PDE12: variants seen among roughly 807,000 people sequenced by gnomAD.
PDE12 encodes 2',5'-phosphodiesterase 12.
PDE12 carries 26 observed loss-of-function variants against 45.4 expected under a neutral mutation model. The observed-to-expected ratio is 0.57, with a 90% confidence interval of 0.42 to 0.79. The LOEUF (loss-of-function observed/expected upper bound fraction) is 0.79. Ranked by LOEUF, PDE12 falls within the 30% of genes least tolerant of loss-of-function variation. The probability of loss-of-function intolerance (pLI) is 0.00; values close to 1 mark genes in which losing one functional copy is unlikely to be tolerated. For missense variants in PDE12, 668 were observed against 790.0 expected, an observed-to-expected ratio of 0.85 and a Z score of 1.85; for synonymous variants, 283 against 323.9, an observed-to-expected ratio of 0.87 and a Z score of 1.36.
the PDE12 span, among the ~76,000 whole-genome samples, chr3:57,574,684 G>A: frequency 6.6e-6 from 1 of 152,038 alleles, no homozygotes; most frequent in African/African-American, 2.4e-5. Flanking sequence ...TGGGATTACG[G>A]GTGTGAGCCG....
At chr3:57,568,068 CAAAAAAAAAAAA>C (rs11360766), downstream of PDE12, among the ~76,000 whole-genome samples, 1 of 47,546 alleles carries the variant, frequency 2.1e-5, no homozygotes, top group African/African-American at 9.9e-5. Context: ...GACTCCATCT[CAAAAAAAAAAAA>C]AAAAAAAAAA....
rs2069742463 is a variant in PDE12 at position 57,562,984 on chromosome 3, C to A, written c.*2980C>A. 6.6e-6 allele frequency: 1 copy of A among 152,148 alleles called. No individual in the cohort carries two copies. The highest frequency in any genetic ancestry group is 1.5e-5 in the Non-Finnish European group (1 of 68,030). The allele number at this position is 152,148 out of a possible 1,614,324, so 9.4% of individuals were successfully genotyped here. A position where few individuals can be genotyped will look rare whatever the true frequency, so the allele number is the denominator to read the frequency against. On this transcript the variant is annotated 3_prime_UTR_variant, in exon 3 of 3. Coordinates refer to ENST00000311180, the MANE Select transcript of PDE12 (RefSeq NM_177966.7). ...TACAAGGGAGAGAATGTCCAAAGAA[C>A]ACTACTGTGGAAAGTTCTTACGATG...
the PDE12 span, chr3:57,575,420 TTAAA>T: frequency 5.2e-6 from 5 of 962,782 alleles, no homozygotes; most frequent in East Asian, 1.6e-4. Context: ...TACCATATTT[TTAAA>T]TAAATGATGT....
Position 57,562,405 on chromosome 3 carries a change from T to C in PDE12, c.*2401T>C, listed in dbSNP as rs2069737185. The C allele has an allele frequency of 6.6e-6, 1 of 152,250 alleles. No individual in the cohort carries two copies. The highest frequency in any genetic ancestry group is 2.4e-5 in the African/African-American group (1 of 41,460). The allele number at this position is 152,250 out of a possible 1,614,324, so 9.4% of individuals were successfully genotyped here. ...CCATATACTGTGATCAAATCTCCAGTATACGGATACGTTAAAATGATTGGA... is the reference window on the plus strand; with the variant it reads ...CCATATACTGTGATCAAATCTCCAGCATACGGATACGTTAAAATGATTGGA... On this transcript the variant is annotated 3_prime_UTR_variant, in exon 3 of 3. Coordinates refer to ENST00000311180, the MANE Select transcript of PDE12 (RefSeq NM_177966.7).
At chr3:57,602,680 C>T in the PDE12 span, among the ~76,000 whole-genome samples, 2 of 152,086 alleles carry the variant, frequency 1.3e-5, no homozygotes, top group Admixed American at 6.5e-5. Context: ...AAGCGATTCT[C>T]CTGCCTCAGC....
chr3:57,607,866 A>C, the PDE12 span, among the ~76,000 whole-genome samples: 29 of 152,190 alleles, frequency 1.9e-4, no homozygotes, highest in Admixed American at 1.9e-3. Context: ...GCCAACATTC[A>C]AATTCAGGAA....
chr3:57,647,737 T>C, the PDE12 span, among the ~76,000 whole-genome samples: 1 of 151,704 alleles, frequency 6.6e-6, no homozygotes, highest in Non-Finnish European at 1.5e-5. Context: ...AGAGCACTCA[T>C]GTGAGGCTTG....
chr3:57,597,256 G>T, the PDE12 span: 1 of 1,024,928 alleles, frequency 9.8e-7, no homozygotes, highest in African/African-American at 1.6e-5. Context: ...AGCGGAGGAA[G>T]AAAGAGGGAG....
the PDE12 span, chr3:57,654,744 C>G: frequency 3.2e-5 from 32 of 985,108 alleles, no homozygotes; most frequent in Non-Finnish European, 3.9e-5. Flanking sequence ...GTGAAAGGAG[C>G]GCCTACACTC....
At chr3:57,592,202 ATTT>A in the PDE12 span, among the ~76,000 whole-genome samples, 2 of 152,090 alleles carry the variant, frequency 1.3e-5, no homozygotes, top group African/African-American at 4.8e-5. Flanking sequence ...GTATCTTAAT[ATTT>A]TGGCCAGGCA....
chr3:57,645,554 T>G, the PDE12 span: 1 of 729,694 alleles, frequency 1.4e-6, no homozygotes, highest in Non-Finnish European at 2.2e-6. Flanking sequence ...CCTCAAACTT[T>G]CCTTTTATAA....
At chr3:57,613,592 TAAA>T in the PDE12 span, among the ~76,000 whole-genome samples, 40 of 150,276 alleles carry the variant, frequency 2.7e-4, no homozygotes, top group Non-Finnish European at 2.2e-4. Flanking sequence ...ATGCCTGGAC[TAAA>T]AAACTTAAAA....
At position 57,562,684 on chromosome 3, in the gene PDE12, T is replaced by C. The variant is rs898399409; in HGVS notation, c.*2680T>C. The C allele has an allele frequency of 6.6e-6, 1 of 152,216 alleles. No individual in the cohort carries two copies. The highest frequency in any genetic ancestry group is 6.5e-5 in the Admixed American group (1 of 15,286). The allele number at this position is 152,216 out of a possible 1,614,324, so 9.4% of individuals were successfully genotyped here. On this transcript the variant is annotated 3_prime_UTR_variant, in exon 3 of 3. Transcript: ENST00000311180. ...GGAATTAACATTCTAGAATTTTATA[T>C]TGATTATAAAAGAGTATTTCAGAAC...
chr3:57,580,547 G>T, the PDE12 span, among the ~76,000 whole-genome samples: 8 of 150,450 alleles, frequency 5.3e-5, no homozygotes, highest in African/African-American at 1.7e-4. Context: ...GACTACAGGA[G>T]TATGCCACCA....
At chr3:57,593,927 G>GAA in the PDE12 span, among the ~76,000 whole-genome samples, 2 of 151,482 alleles carry the variant, frequency 1.3e-5, no homozygotes, top group African/African-American at 2.4e-5. Flanking sequence ...TACTCAAAAG[G>GAA]AAAAAAAACA....
At chr3:57,585,666 T>TTA in the PDE12 span, among the ~76,000 whole-genome samples, 1 of 58 alleles carries the variant, frequency 0.017, no homozygotes, top group South Asian at 0.25. Flanking sequence ...ATCTAAATTC[T>TTA]TTTTTTTTTT....
the PDE12 span, chr3:57,645,576 C>T: frequency 2.0e-6 from 2 of 983,982 alleles, no homozygotes; most frequent in Admixed American, 2.4e-5. Flanking sequence ...ATCATTCTGC[C>T]TATAAGCTTT....
chr3:57,631,789 C>A, the PDE12 span, among the ~76,000 whole-genome samples: 6 of 137,650 alleles, frequency 4.4e-5, no homozygotes, highest in Admixed American at 4.6e-4. Context: ...GTGGCGCTAT[C>A]CCGGCTCACT....
the PDE12 span, among the ~76,000 whole-genome samples, chr3:57,600,420 C>T: frequency 6.7e-6 from 1 of 149,490 alleles, no homozygotes; most frequent in African/African-American, 2.5e-5. Context: ...CCCTTCCTTT[C>T]CTTTCCCTTT....
Sources: allele counts gnomAD v4.1 joint callset (sites outside exome capture counted in the v4.1 genomes callset), GRCh38; gene constraint gnomAD v4.1.1; transcripts MANE v1.5; gene names NCBI Gene and HGNC (gene_info 2026-07-23, HGNC 2026-07-21).